TRMT9B: variants seen among roughly 807,000 people sequenced by gnomAD.
TRMT9B encodes the protein probable tRNA methyltransferase 9B.
A neutral mutation model predicts 11.5 loss-of-function variants in TRMT9B; 16 were observed. The ratio of observed to expected loss-of-function variants is 1.39; its 90% CI spans 0.94 to 2.11. The LOEUF (loss-of-function observed/expected upper bound fraction) is 2.11. TRMT9B is among the 30% of genes most tolerant of loss of function. The pLI is 0.00. For synonymous variants in TRMT9B, 274 were observed against 192.4 expected (o/e 1.42, Z -3.51); for missense variants, 941 against 553.8 (o/e 1.70, Z -7.02).
At chr8:12,993,777 C>G (rs541251756) in intron 2 of TRMT9B, among the ~76,000 whole-genome samples, 1 of 152,220 alleles carries the variant, frequency 6.6e-6, no homozygotes, top group African/African-American at 2.4e-5. Flanking sequence ...CTGTGGCCCC[C>G]ACTGGGGTAC....
At chr8:12,987,942 T>C (rs1806619679) in intron 1 of TRMT9B, among the ~76,000 whole-genome samples, 1 of 152,120 alleles carries the variant, frequency 6.6e-6, no homozygotes, top group Non-Finnish European at 1.5e-5. Context: ...GGAAAAAAGA[T>C]CACAATTCAA....
At chr8:13,010,948 G>C in intron 3 of TRMT9B, 2 of 802,190 alleles carry the variant, frequency 2.5e-6, no homozygotes, top group African/African-American at 2.2e-5. Context: ...AAATAATATG[G>C]TCACATTTAC....
At chr8:12,989,725 T>C (rs541110338) in intron 1 of TRMT9B, among the ~76,000 whole-genome samples, 1 of 152,216 alleles carries the variant, frequency 6.6e-6, no homozygotes, top group Non-Finnish European at 1.5e-5. Flanking sequence ...CTTTACCCTG[T>C]CATAGGGACT....
intron 3 of TRMT9B, among the ~76,000 whole-genome samples, chr8:13,009,600 G>T (rs184586343): frequency 5.9e-5 from 9 of 152,254 alleles, no homozygotes; most frequent in East Asian, 1.9e-4. Context: ...ATTTGTGCCT[G>T]TGAGAGTGTG....
At chr8:12,990,093 G>C (rs916132598) in intron 1 of TRMT9B, among the ~76,000 whole-genome samples, 1 of 152,126 alleles carries the variant, frequency 6.6e-6, no homozygotes, top group Admixed American at 6.6e-5. Flanking sequence ...AGAATCACTG[G>C]GTGTAATAAG....
chr8:12,963,580 T>C (rs1802427954), intron 1 of TRMT9B, among the ~76,000 whole-genome samples: 1 of 152,000 alleles, frequency 6.6e-6, no homozygotes, highest in Admixed American at 6.6e-5. Context: ...TGAAACCCCG[T>C]CTCTACAAAA....
chr8:12,995,001 C>G (rs930382258), intron 2 of TRMT9B, among the ~76,000 whole-genome samples: 1 of 152,218 alleles, frequency 6.6e-6, no homozygotes, highest in East Asian at 1.9e-4. Context: ...ATTTTCAAAT[C>G]TTGCCTACGC....
intron 1 of TRMT9B, among the ~76,000 whole-genome samples, chr8:12,971,978 C>G (rs1220918728): frequency 6.6e-6 from 1 of 152,116 alleles, no homozygotes; most frequent in Non-Finnish European, 1.5e-5. Context: ...ATAAATAACT[C>G]TAGCCAAATA....
At chr8:12,951,754 G>A (rs999991973) in intron 1 of TRMT9B, 3 of 151,964 alleles carry the variant, frequency 2.0e-5, no homozygotes, top group Non-Finnish European at 1.5e-5. Context: ...GTCTCCCGAC[G>A]GCTGTCGCGG....
At chr8:12,971,476 G>A in intron 1 of TRMT9B, among the ~76,000 whole-genome samples, 1 of 152,128 alleles carries the variant, frequency 6.6e-6, no homozygotes, top group East Asian at 1.9e-4. Context: ...TATTGTATTG[G>A]TGTTCCGACT....
At chr8:12,973,480 A>G (rs992861682) in intron 1 of TRMT9B, among the ~76,000 whole-genome samples, 1 of 152,232 alleles carries the variant, frequency 6.6e-6, no homozygotes, top group Non-Finnish European at 1.5e-5. Context: ...GAAGCAATCT[A>G]TGGCAGCAGA....
At chr8:12,997,861 T>A (rs980394452) in intron 2 of TRMT9B, among the ~76,000 whole-genome samples, 13 of 152,206 alleles carry the variant, frequency 8.5e-5, no homozygotes, top group African/African-American at 3.1e-4. Flanking sequence ...TTCACATTTC[T>A]TCCAGTGGTG....
chr8:12,990,810 T>C (rs1306851647), intron 1 of TRMT9B, 24 bp from the exon 2 acceptor site: 2 of 1,279,158 alleles, frequency 1.6e-6, no homozygotes, highest in Non-Finnish European at 2.0e-6. Flanking sequence ...AAATGACATT[T>C]AGTATTTGTT....
intron 1 of TRMT9B, among the ~76,000 whole-genome samples, chr8:12,967,199 G>C (rs900547850): frequency 6.6e-6 from 1 of 152,160 alleles, no homozygotes; most frequent in Admixed American, 6.5e-5. Flanking sequence ...ATCATCCAAA[G>C]ATATGCACAA....
Position 13,021,361 on chromosome 8 carries a change from A to C in TRMT9B, c.682A>C (p.Asn228His), listed in dbSNP as rs1222900885. Residue 228 changes from asparagine (N) to histidine (H), a missense_variant, in exon 5 of 5, where the codon AAT (asparagine) becomes CAT (histidine). Asn to His is a moderately conservative substitution (Grantham distance 68, BLOSUM62 1). Coordinates refer to ENST00000524591, the MANE Select transcript of TRMT9B (RefSeq NM_020844.3). ...TGCTATGGCAAGAACCTGTTTTGCAAATATTTCTAAGGAAGGCGAGGAAGA... is the reference window on the plus strand; with the variant it reads ...TGCTATGGCAAGAACCTGTTTTGCACATATTTCTAAGGAAGGCGAGGAAGA... ...EPAMARTCFA[N>H]ISKEGEEEYG... The C allele has an allele frequency of 6.2e-7, 1 of 1,614,084 alleles. No homozygotes were observed. The highest frequency in any genetic ancestry group is 2.2e-5 in the East Asian group (1 of 44,886).
At chr8:13,009,017 C>T (rs981596319) in intron 3 of TRMT9B, among the ~76,000 whole-genome samples, 7 of 152,090 alleles carry the variant, frequency 4.6e-5, no homozygotes, top group African/African-American at 7.2e-5. Flanking sequence ...CGTGAGCCAC[C>T]GCGCCCGGCC....
At chr8:12,972,803 T>A (rs1257389948) in intron 1 of TRMT9B, among the ~76,000 whole-genome samples, 1 of 152,214 alleles carries the variant, frequency 6.6e-6, no homozygotes, top group Non-Finnish European at 1.5e-5. Flanking sequence ...AAGAAATGAC[T>A]GAAATGTTTT....
intron 1 of TRMT9B, among the ~76,000 whole-genome samples, chr8:12,966,278 T>G (rs1226398668): frequency 6.6e-6 from 1 of 152,116 alleles, no homozygotes; most frequent in Non-Finnish European, 1.5e-5. Context: ...GTCTCTGTGC[T>G]CAGGGTGTGG....
At chr8:13,000,571 TG>T (rs1585292522) in intron 2 of TRMT9B, among the ~76,000 whole-genome samples, 1 of 152,230 alleles carries the variant, frequency 6.6e-6, no homozygotes, top group Non-Finnish European at 1.5e-5. Flanking sequence ...CAAAGTTAGT[TG>T]TATCTTTGTC....
Sources: gnomAD v4.1 joint callset for allele counts (sites outside exome capture counted in the v4.1 genomes callset) on GRCh38, gnomAD v4.1.1 for gene constraint, MANE v1.5 for transcripts, NCBI Gene and HGNC (gene_info 2026-07-23, HGNC 2026-07-21) for gene names.